The following DNAH17 variants were observed in gnomAD, a reference collection of about 807,000 sequenced individuals.
The protein encoded by DNAH17 is dynein axonemal heavy chain 17, also known as axonemal beta dynein heavy chain 17.
A neutral mutation model predicts 485.6 loss-of-function variants in DNAH17; 376 were observed. That is an observed-to-expected ratio of 0.77 (90% CI 0.71 to 0.84). The LOEUF is 0.84. Among genes scored for constraint, DNAH17 ranks in the 40% least tolerant of loss-of-function variants. The pLI is 0.00. For missense variants in DNAH17, 6,370 were observed against 5,839.3 expected (o/e 1.09, Z -2.96); for synonymous variants, 3,031 against 2,405.9 (o/e 1.26, Z -7.60).
At chr17:78,461,740 G>A in intron 57 of DNAH17, 32 bp from the exon 58 acceptor site, 2 of 1,591,584 alleles carry the variant, frequency 1.3e-6, no homozygotes, top group Non-Finnish European at 1.7e-6. Context: ...AACAGCAAGT[G>A]TGGGCCGCAG....
At chr17:78,544,809 A>AAAAAG (rs2091710045) in intron 16 of DNAH17, among the ~76,000 whole-genome samples, 1 of 133,494 alleles carries the variant, frequency 7.5e-6, no homozygotes, top group Admixed American at 8.7e-5. Flanking sequence ...TCAAAAAAAA[A>AAAAAG]AAAAAAAAAA....
rs577015407 is a variant in DNAH17, at chr17:78,456,205, G to A, written c.9978-369C>T. On this transcript the variant is annotated intron_variant, in intron 62 of 80. Transcript: ENST00000389840. ...TCCCAGCTATTCAAGAAGCCGAGGC[G>A]GGAGAATTGCTTGAACCCGGGAGGC... Among the ~76,000 whole-genome samples, 287 of 152,220 alleles carry A rather than the reference G, an allele frequency of 1.9e-3. 2 individuals are homozygous for A. The highest frequency in any genetic ancestry group is 2.9e-3 in the Non-Finnish European group (199 of 68,004).
Position 78,479,602 on chromosome 17 carries a change from G to A in DNAH17, c.7783C>T (p.Pro2595Ser), listed in dbSNP as rs756458152. The A allele has an allele frequency of 2.5e-6, 4 of 1,613,232 alleles. No individual in the cohort carries two copies. Among genetic ancestry groups the A allele is most frequent in the South Asian group, 1.1e-5 (1 of 91,052 alleles). ...ATGGTGGTGAGGGCCTCCTGGCCGG[G>A]GAAGCTCACAGCAAACACGCAGAAA... ...RHFCVFAVSF[P>S]GQEALTTIYN... The change falls in exon 50 of 81, where the codon CCC (proline) becomes TCC (serine). Residue 2595 changes from proline (P) to serine (S), a missense_variant. Transcript: ENST00000389840.
At chr17:78,458,896 T>A in intron 61 of DNAH17, 105 bp downstream of exon 61, 1 of 1,308,130 alleles carries the variant, frequency 7.6e-7, no homozygotes, top group Non-Finnish European at 1.1e-6. Flanking sequence ...GCTGAATAAT[T>A]CATGACGGCG....
rs1003702029 is a variant in DNAH17 at position 78,510,403 on chromosome 17, T to C, written c.4217A>G (p.Lys1406Arg). The change falls in exon 27 of 81, where the codon AAG becomes AGG. Residue 1406 changes from lysine to arginine, a missense_variant. By Grantham distance (26) the Lys-to-Arg change is conservative. Transcript: ENST00000389840. ...EVRNIVDKAV[K>R]ESGMEKVLKA... Reference sequence around the variant, plus strand: ...GCCTACCTTTTCCATGCCCGACTCCTTCACGGCCTTGTCCACGATGTTGCG... The same window carrying C: ...GCCTACCTTTTCCATGCCCGACTCCCTCACGGCCTTGTCCACGATGTTGCG... The C allele has an allele frequency of 2.5e-6, 4 of 1,613,072 alleles. No individual in the cohort carries two copies. In the African/African-American group the frequency reaches 4.0e-5, roughly 16 times the overall value.
At chr17:78,448,684 T>C (rs1362464553) in intron 69 of DNAH17, among the ~76,000 whole-genome samples, 1 of 151,940 alleles carries the variant, frequency 6.6e-6, no homozygotes, top group African/African-American at 2.4e-5. Flanking sequence ...TGTTGGGAGG[T>C]GGGGTCTGAG....
intron 69 of DNAH17, among the ~76,000 whole-genome samples, chr17:78,447,532 C>T (rs577992000): frequency 5.3e-5 from 8 of 152,320 alleles, no homozygotes; most frequent in African/African-American, 1.7e-4. Context: ...AGTGCCCAAA[C>T]GGTCTGTTTT....
Position 78,570,931 on chromosome 17 carries a change from C to T in DNAH17, c.918+17G>A, listed in dbSNP as rs12948559. The T allele has an allele frequency of 0.34, 523,723 of 1,547,880 alleles. 92,070 individuals carry two copies. Among genetic ancestry groups the T allele is most frequent in the Admixed American group, 0.49 (24,917 of 50,830 alleles). Reference sequence around the variant, plus strand: ...AAGACCCTCCCCACCAAAGCCGGCTCTCCCTTGCCTGCGCACCATCGTGAA... The same window carrying T: ...AAGACCCTCCCCACCAAAGCCGGCTTTCCCTTGCCTGCGCACCATCGTGAA... On this transcript the variant is annotated intron_variant, in intron 6 of 80. Transcript: ENST00000389840.
chr17:78,548,291 G>A (rs1240480182), intron 16 of DNAH17, among the ~76,000 whole-genome samples: 6 of 134,154 alleles, frequency 4.5e-5, no homozygotes, highest in African/African-American at 1.1e-4. Context: ...TGCAAGCTCC[G>A]CCTCCTGGGT....
At chr17:78,445,454 G>A (rs961432551) in intron 70 of DNAH17, 104 bp downstream of exon 70, 34 of 1,442,820 alleles carry the variant, frequency 2.4e-5, no homozygotes, top group African/African-American at 4.3e-5. Flanking sequence ...GAATTTATGG[G>A]CCACAGAGCC....
At chr17:78,476,843 G>A (rs1219800569) in intron 51 of DNAH17, 110 bp from the exon 52 acceptor site, 1 of 1,313,840 alleles carries the variant, frequency 7.6e-7, no homozygotes, top group African/African-American at 1.5e-5. Context: ...GAGGGGACCT[G>A]TTCAGCTGTT....
chr17:78,438,178 C>T (rs926914517), intron 73 of DNAH17, among the ~76,000 whole-genome samples: 1 of 151,694 alleles, frequency 6.6e-6, no homozygotes, highest in Non-Finnish European at 1.5e-5. Flanking sequence ...GTGGTCCCCA[C>T]CCCTCCTCTT....
At chr17:78,563,440 G>A (rs1391692174) in intron 11 of DNAH17, among the ~76,000 whole-genome samples, 3 of 152,010 alleles carry the variant, frequency 2.0e-5, no homozygotes, top group Non-Finnish European at 4.4e-5. Context: ...TGACTATCCT[G>A]TAATGCGGGT....
chr17:78,503,874 G>T (rs138058627), intron 31 of DNAH17, among the ~76,000 whole-genome samples: 48 of 152,092 alleles, frequency 3.2e-4, no homozygotes, highest in African/African-American at 1.1e-3. Flanking sequence ...GCTTAGACAG[G>T]AGAATCACTT....
intron 51 of DNAH17, among the ~76,000 whole-genome samples, chr17:78,478,060 TCCACCATCA>T (rs2089143505): frequency 3.5e-5 from 2 of 57,402 alleles, no homozygotes; most frequent in Non-Finnish European, 6.2e-5. Flanking sequence ...CATTATCATC[TCCACCATCA>T]CCACCACCAT....
intron 19 of DNAH17, among the ~76,000 whole-genome samples, chr17:78,534,755 C>T (rs1045057463): frequency 2.0e-5 from 3 of 152,204 alleles, no homozygotes; most frequent in Non-Finnish European, 4.4e-5. Flanking sequence ...GACCTGCTGC[C>T]TGGGGTCTCT....
At chr17:78,550,458 C>G (rs1270613705) in intron 16 of DNAH17, among the ~76,000 whole-genome samples, 2 of 152,282 alleles carry the variant, frequency 1.3e-5, no homozygotes, top group Non-Finnish European at 2.9e-5. Flanking sequence ...GAGATGAGAG[C>G]TTTAAAGAGG....
rs943297633 is a variant in DNAH17, at chr17:78,429,620, GCTGTGCCTCA to G, written c.12226-330_12226-321del. Among the ~76,000 whole-genome samples, 7 of 152,326 alleles carry G rather than the reference GCTGTGCCTCA, an allele frequency of 4.6e-5. No homozygotes were observed. The East Asian group carries it at 9.6e-4, about 21-fold the overall frequency. On this transcript the variant is annotated intron_variant, in intron 75 of 80. Transcript: ENST00000389840. ...CACCTCCCGTGGGGCAGGTGTTTCT[GCTGTGCCTCA>G]CTGTGCCTCAGAGGCCACAGGGCTG... is the stretch of plus-strand genomic sequence containing the variant.
In DNAH17 at chr17:78,461,534, CT is replaced by C; in HGVS notation, c.9339+9del. The C allele has an allele frequency of 6.4e-7, 1 of 1,569,218 alleles. No homozygotes were observed. Among genetic ancestry groups the C allele is most frequent in the Non-Finnish European group, 8.6e-7 (1 of 1,157,962 alleles). On this transcript the variant is annotated intron_variant, in intron 58 of 80. Coordinates refer to ENST00000389840, the MANE Select transcript of DNAH17 (RefSeq NM_173628.4). ...CCTTCCTGAAGGCACGCTGGGCTGC[CT>C]TCACCTACCTTATTGATGACCTCGA...
Sources: allele counts gnomAD v4.1 joint callset (sites outside exome capture counted in the v4.1 genomes callset), GRCh38; gene constraint gnomAD v4.1.1; transcripts MANE v1.5; gene names NCBI Gene and HGNC (gene_info 2026-07-23, HGNC 2026-07-21).